Variants in DLC1 observed in about 807,000 individuals in gnomAD.
DLC1 encodes DLC1 Rho GTPase activating protein.
In DLC1, 54 loss-of-function variants were observed where a neutral mutation model predicts 140.3. That is an observed-to-expected ratio of 0.38 (90% CI 0.31 to 0.48). The LOEUF (loss-of-function observed/expected upper bound fraction) is 0.48, where lower values mean the gene tolerates loss of function less well. DLC1 is among the 20% of genes least tolerant of loss of function. The probability of loss-of-function intolerance (pLI) is 0.96; values close to 1 mark genes in which losing one functional copy is unlikely to be tolerated. For missense variants in DLC1, 2,536 were observed against 1,907.0 expected, an observed-to-expected ratio of 1.33 and a Z score of -6.14; for synonymous variants, 986 against 728.1, an observed-to-expected ratio of 1.35 and a Z score of -5.70.
intron 2 of DLC1, among the ~76,000 whole-genome samples, chr8:13,420,100 C>T (rs1838248904): frequency 6.6e-6 from 1 of 152,104 alleles, no homozygotes; most frequent in South Asian, 2.1e-4. Context: ...TGATTCTTCT[C>T]TCTTTTTTTC....
intron 2 of DLC1, among the ~76,000 whole-genome samples, chr8:13,457,386 T>C (rs2117006925): frequency 6.6e-6 from 1 of 151,840 alleles, no homozygotes; most frequent in African/African-American, 2.4e-5. Flanking sequence ...AGAGATAAAG[T>C]TAGATGATGT....
chr8:13,299,503 T>C (rs1198733254), intron 5 of DLC1, among the ~76,000 whole-genome samples: 8 of 147,710 alleles, frequency 5.4e-5, no homozygotes, highest in African/African-American at 2.0e-4. Flanking sequence ...TTTTTCTGGT[T>C]AAGCCATCTT....
intron 5 of DLC1, among the ~76,000 whole-genome samples, chr8:13,275,419 G>C (rs1029125592): frequency 1.3e-5 from 2 of 152,188 alleles, no homozygotes; most frequent in African/African-American, 4.8e-5. Context: ...ATTGACCAAA[G>C]AGGTTAAGAA....
intron 1 of DLC1, among the ~76,000 whole-genome samples, chr8:13,595,583 G>A (rs1347777982): frequency 6.6e-6 from 1 of 152,000 alleles, no homozygotes; most frequent in Non-Finnish European, 1.5e-5. Context: ...AAGGGAAAAA[G>A]TGAGGAACAT....
At chr8:13,399,148 C>G (rs1024372242) in intron 3 of DLC1, among the ~76,000 whole-genome samples, 4 of 152,140 alleles carry the variant, frequency 2.6e-5, no homozygotes, top group African/African-American at 9.7e-5. Flanking sequence ...TCAACTTTCC[C>G]TTAATTACAC....
intron 5 of DLC1, among the ~76,000 whole-genome samples, chr8:13,188,892 T>C (rs930702389): frequency 7.0e-6 from 1 of 142,744 alleles, no homozygotes; most frequent in Non-Finnish European, 1.5e-5. Context: ...AGTTTCATCA[T>C]GTTGGCCAGG....
chr8:13,568,028 T>A, intron 1 of DLC1: 1 of 1,385,136 alleles, frequency 7.2e-7, no homozygotes, highest in Non-Finnish European at 9.6e-7. Context: ...AACTTAAGAC[T>A]TTACTATGCT....
intron 5 of DLC1, among the ~76,000 whole-genome samples, chr8:13,132,334 C>G (rs1822174635): frequency 6.6e-6 from 1 of 151,862 alleles, no homozygotes; most frequent in Admixed American, 6.6e-5. Context: ...CGAGACTTCC[C>G]TGGCCAGGTC....
chr8:13,295,938 C>CTTT (rs34697767), intron 5 of DLC1, among the ~76,000 whole-genome samples: 1,881 of 53,218 alleles, frequency 0.035, 267 homozygotes, highest in Non-Finnish European at 0.041. Context: ...AGATAAGATT[C>CTTT]TTTGTTTTTT....
intron 4 of DLC1, among the ~76,000 whole-genome samples, chr8:13,325,667 G>A (rs1446609274): frequency 6.6e-6 from 1 of 152,112 alleles, no homozygotes; most frequent in Non-Finnish European, 1.5e-5. Context: ...ATGCTATAAC[G>A]ATTTAGGAAC....
At chr8:13,444,400 TAACA>T (rs1200431713) in intron 2 of DLC1, among the ~76,000 whole-genome samples, 3 of 152,158 alleles carry the variant, frequency 2.0e-5, no homozygotes, top group African/African-American at 4.8e-5. Flanking sequence ...TATACCTATG[TAACA>T]AACCTGCACA....
In DLC1 at chr8:13,509,384, A is replaced by G. The variant is rs542552493; in HGVS notation, c.-126+5218T>C. On this transcript the variant is annotated intron_variant, in intron 1 of 17. Coordinates refer to ENST00000276297, the MANE Select transcript of DLC1 (RefSeq NM_182643.3). The stretch of plus-strand genomic sequence containing the variant: ...CATTAGGAACTTAATTACTTCTGTT[A>G]GCTTGGTGTCCTACCTGGGGTCAAT... Among the ~76,000 whole-genome samples, 29 of 152,312 alleles carry G rather than the reference A, an allele frequency of 1.9e-4. No individual in the cohort carries two copies. The East Asian group carries it at 5.6e-3, about 29-fold the overall frequency.
intron 5 of DLC1, among the ~76,000 whole-genome samples, chr8:13,272,766 C>T (rs1477715124): frequency 4.6e-5 from 7 of 152,098 alleles, no homozygotes; most frequent in African/African-American, 7.2e-5. Flanking sequence ...CCCAGCTGCT[C>T]GGGAGGCTGA....
chr8:13,090,676 T>C (rs1817981727), intron 14 of DLC1, among the ~76,000 whole-genome samples: 1 of 152,236 alleles, frequency 6.6e-6, no homozygotes. Flanking sequence ...TCTGAAATCT[T>C]ATTTCCATGT....
rs192854301 is a variant in DLC1 at position 13,091,998 on chromosome 8, G to A, written c.3741-566C>T. On this transcript the variant is annotated intron_variant, in intron 13 of 17. Transcript: ENST00000276297. ...GCAGTGGCTCACGCCTGTAATCCCA[G>A]CACTTTGGGAGGCTAAGCCGGGTGG... Among the ~76,000 whole-genome samples, 156 of 152,300 alleles carry A rather than the reference G, an allele frequency of 1.0e-3. 3 individuals carry two copies. The South Asian group carries it at 0.012, about 12-fold the overall frequency.
At position 13,402,753 on chromosome 8, in the gene DLC1, C is replaced by A. The variant is rs571464294; in HGVS notation, c.1024-1134G>T. Among the ~76,000 whole-genome samples, 6 of 152,232 alleles carry A rather than the reference C, an allele frequency of 3.9e-5. No individual in the cohort carries two copies. In the East Asian group the frequency reaches 1.2e-3, roughly 29 times the overall value. ...GTTGTGAGATGAAAATTGATGATGGCCTGAATCACAACTTCATTTTTTTAA... is the reference window on the plus strand; with the variant it reads ...GTTGTGAGATGAAAATTGATGATGGACTGAATCACAACTTCATTTTTTTAA... On this transcript the variant is annotated intron_variant, in intron 2 of 17. Transcript: ENST00000276297.
chr8:13,138,316 A>T (rs907287201), intron 5 of DLC1, among the ~76,000 whole-genome samples: 1 of 152,210 alleles, frequency 6.6e-6, no homozygotes, highest in Non-Finnish European at 1.5e-5. Flanking sequence ...CAGAACCCCT[A>T]TAATTTTATA....
At chr8:13,445,415 T>C (rs568430813) in intron 2 of DLC1, among the ~76,000 whole-genome samples, 1 of 152,152 alleles carries the variant, frequency 6.6e-6, no homozygotes, top group Non-Finnish European at 1.5e-5. Context: ...AGATACATAG[T>C]TTAAATCCTC....
intron 1 of DLC1, among the ~76,000 whole-genome samples, chr8:13,555,800 C>A (rs565238418): frequency 2.0e-5 from 3 of 151,928 alleles, no homozygotes; most frequent in South Asian, 4.2e-4. Context: ...CCGGGCCTGG[C>A]CTTGTAGCAT....
Sources: gnomAD v4.1 joint callset for allele counts (sites outside exome capture counted in the v4.1 genomes callset) on GRCh38, gnomAD v4.1.1 for gene constraint, MANE v1.5 for transcripts, NCBI Gene and HGNC (gene_info 2026-07-23, HGNC 2026-07-21) for gene names.